Variants in PDCD10 observed in about 807,000 individuals in gnomAD.
The protein encoded by PDCD10 is programmed cell death 10.
PDCD10 carries 4 observed loss-of-function variants against 29.2 expected under a neutral mutation model. The observed-to-expected ratio is 0.14, with a 90% confidence interval of 0.07 to 0.31. The LOEUF (loss-of-function observed/expected upper bound fraction) is 0.31. Among genes scored for constraint, PDCD10 ranks in the 10% least tolerant of loss-of-function variants. PDCD10 has a pLI of 1.00. For missense variants in PDCD10, 183 were observed against 257.9 expected, an observed-to-expected ratio of 0.71 and a Z score of 1.99; for synonymous variants, 70 against 82.2, an observed-to-expected ratio of 0.85 and a Z score of 0.80.
intron 4 of PDCD10, among the ~76,000 whole-genome samples, chr3:167,701,736 G>A (rs1721461668): frequency 6.6e-6 from 1 of 152,134 alleles, no homozygotes; most frequent in African/African-American, 2.4e-5. Flanking sequence ...TACCATGAAA[G>A]TCTGGAAGAA....
At chr3:167,710,638 A>G (rs1205944084) in intron 3 of PDCD10, among the ~76,000 whole-genome samples, 1 of 152,218 alleles carries the variant, frequency 6.6e-6, no homozygotes, top group Non-Finnish European at 1.5e-5. Context: ...ATCATACTGA[A>G]GGGAAGGACA....
intron 2 of PDCD10, among the ~76,000 whole-genome samples, chr3:167,729,733 T>A (rs1047258359): frequency 7.2e-5 from 11 of 152,148 alleles, no homozygotes; most frequent in African/African-American, 2.7e-4. Flanking sequence ...TTTAAGGCAA[T>A]TTCACAAGTA....
chr3:167,724,648 T>C (rs1723905504), intron 2 of PDCD10, among the ~76,000 whole-genome samples: 1 of 152,222 alleles, frequency 6.6e-6, no homozygotes, highest in Non-Finnish European at 1.5e-5. Flanking sequence ...CTTGCTAATA[T>C]ACTTTTCAAA....
chr3:167,727,527 A>C lies in PDCD10; in HGVS notation c.-117+6687T>G, dbSNP rs138839464. Among the ~76,000 whole-genome samples the C allele has an allele frequency of 2.4e-4, 36 of 152,306 alleles. No homozygotes were observed. The East Asian group carries it at 6.0e-3, about 25-fold the overall frequency. On this transcript the variant is annotated intron_variant, in intron 2 of 8. Coordinates refer to ENST00000392750, the MANE Select transcript of PDCD10 (RefSeq NM_007217.4). Reference sequence around the variant, plus strand: ...GTTCATGAATAATGCCTAGTTGAATAGTTGTTTGGTGTTTAATTGAGGTAC... The same window carrying C: ...GTTCATGAATAATGCCTAGTTGAATCGTTGTTTGGTGTTTAATTGAGGTAC...
intron 4 of PDCD10, among the ~76,000 whole-genome samples, chr3:167,702,967 T>C (rs149788302): frequency 3.3e-4 from 51 of 152,338 alleles, no homozygotes; most frequent in African/African-American, 1.2e-3. Flanking sequence ...CACGGTCACA[T>C]AATTGTACTT....
chr3:167,711,505 C>A (rs185514082), intron 3 of PDCD10, among the ~76,000 whole-genome samples: 2 of 152,188 alleles, frequency 1.3e-5, no homozygotes, highest in East Asian at 3.9e-4. Flanking sequence ...GAATTAAACA[C>A]TCCTACAAGA....
intron 3 of PDCD10, among the ~76,000 whole-genome samples, chr3:167,708,298 G>C (rs1722192261): frequency 6.7e-6 from 1 of 149,686 alleles, no homozygotes; most frequent in Non-Finnish European, 1.5e-5. Context: ...TTAGCCCTTT[G>C]GTTACTCAAG....
At chr3:167,725,804 TATATATATG>T in intron 2 of PDCD10, among the ~76,000 whole-genome samples, 2 of 102,792 alleles carry the variant, frequency 1.9e-5, no homozygotes, top group South Asian at 3.1e-4. Context: ...TATATATATA[TATATATATG>T]CTTTAAAAAT....
rs151267430 is a variant in PDCD10 at position 167,684,373 on chromosome 3, C to T, written c.574G>A (p.Val192Ile). 1,051 of 1,597,720 alleles carry T rather than the reference C, an allele frequency of 6.6e-4. No homozygotes were observed. The highest frequency in any genetic ancestry group is 8.5e-4 in the Non-Finnish European group (996 of 1,166,042). Residue 192 changes from valine to isoleucine, a missense_variant, in exon 9 of 9, where the codon GTA becomes ATA. Physicochemically the swap from Val to Ile is conservative, Grantham distance 29. Coordinates refer to ENST00000392750, the MANE Select transcript of PDCD10 (RefSeq NM_007217.4). ...TGATGAATTAGTCGGTTGGCACTTA[C>T]GAACACATTTATTGCCCTGTTTAAA... ...FKDGKAINVFVSANRLIHQTN... is the reference protein window; with the variant it reads ...FKDGKAINVFISANRLIHQTN...
At chr3:167,686,094 T>C (rs982549437) in intron 8 of PDCD10, among the ~76,000 whole-genome samples, 17 of 152,330 alleles carry the variant, frequency 1.1e-4, no homozygotes, top group Non-Finnish European at 1.8e-4. Context: ...GATGGAATGA[T>C]TGAGGTCTCT....
At chr3:167,725,149 C>T (rs1559977710) in intron 2 of PDCD10, among the ~76,000 whole-genome samples, 1 of 151,514 alleles carries the variant, frequency 6.6e-6, no homozygotes. Flanking sequence ...CCCAGCTACT[C>T]AGGAGGCTGA....
At chr3:167,731,449 T>C (rs2108512450) in intron 2 of PDCD10, among the ~76,000 whole-genome samples, 1 of 152,358 alleles carries the variant, frequency 6.6e-6, no homozygotes, top group South Asian at 2.1e-4. Flanking sequence ...ATTCTGTCAA[T>C]GACTCCTTTA....
chr3:167,729,130 C>T (rs1724525800), intron 2 of PDCD10, among the ~76,000 whole-genome samples: 1 of 152,178 alleles, frequency 6.6e-6, no homozygotes, highest in Non-Finnish European at 1.5e-5. Flanking sequence ...CAAAGAGTAG[C>T]TTGCCACACT....
intron 3 of PDCD10, 48 bp from the exon 4 acceptor site, chr3:167,704,943 A>T (rs1214540790): frequency 1.7e-6 from 2 of 1,184,310 alleles, no homozygotes; most frequent in Admixed American, 1.8e-5. Context: ...TTCTTGGAAA[A>T]AGCACATTTC....
intron 6 of PDCD10, among the ~76,000 whole-genome samples, chr3:167,693,568 C>T (rs1364096774): frequency 6.6e-6 from 1 of 152,138 alleles, no homozygotes; most frequent in Non-Finnish European, 1.5e-5. Flanking sequence ...ACAGAGTGCA[C>T]ACAATTCTGA....
intron 3 of PDCD10, 146 bp from the exon 4 acceptor site, chr3:167,705,041 A>C (rs1721839374): frequency 1.9e-6 from 1 of 537,638 alleles, no homozygotes; most frequent in East Asian, 3.0e-5. Context: ...GTAATTCTTC[A>C]ATTAGGCTAT....
intron 2 of PDCD10, among the ~76,000 whole-genome samples, chr3:167,724,832 T>C (rs1723927406): frequency 6.6e-6 from 1 of 152,228 alleles, no homozygotes; most frequent in South Asian, 2.1e-4. Context: ...AGACAAATTT[T>C]TCTTTAAGCA....
intron 4 of PDCD10, among the ~76,000 whole-genome samples, 192 bp from the exon 5 acceptor site, chr3:167,697,318 A>G (rs1720915686): frequency 6.6e-6 from 1 of 152,200 alleles, no homozygotes; most frequent in Non-Finnish European, 1.5e-5. Context: ...ACTCTTTACT[A>G]TGACTAAGGT....
At chr3:167,696,013 T>C (rs150712843) in intron 5 of PDCD10, among the ~76,000 whole-genome samples, 70 of 149,270 alleles carry the variant, frequency 4.7e-4, no homozygotes, top group African/African-American at 1.5e-3. Context: ...AAAAAACAGA[T>C]TTAAAAGGGA....
Sources: gnomAD v4.1 joint callset for allele counts (sites outside exome capture counted in the v4.1 genomes callset) on GRCh38, gnomAD v4.1.1 for gene constraint, MANE v1.5 for transcripts, NCBI Gene and HGNC (gene_info 2026-07-23, HGNC 2026-07-21) for gene names.